The following ITGB8 variants were observed in gnomAD, a reference collection of about 807,000 sequenced individuals.
The protein encoded by ITGB8 is integrin beta-8.
A neutral mutation model predicts 89.5 loss-of-function variants in ITGB8; 30 were observed. The observed-to-expected ratio is 0.34, with a 90% confidence interval of 0.25 to 0.45. The LOEUF (loss-of-function observed/expected upper bound fraction) is 0.45. Among genes scored for constraint, ITGB8 ranks in the 20% least tolerant of loss-of-function variants. The probability of loss-of-function intolerance (pLI) is 1.00; values close to 1 mark genes in which losing one functional copy is unlikely to be tolerated. For missense variants in ITGB8, 836 were observed against 933.3 expected (o/e 0.90, Z 1.36); for synonymous variants, 335 against 320.4 (o/e 1.05, Z -0.49).
At chr7:20,330,327 G>A (rs987140916), upstream of ITGB8, among the ~76,000 whole-genome samples, 2 of 152,204 alleles carry the variant, frequency 1.3e-5, no homozygotes, top group Admixed American at 1.3e-4. Flanking sequence ...TGGGGGCAGG[G>A]GAGGTCCCTT....
chr7:20,337,579 AG>A (rs1171371417), intron 1 of ITGB8, among the ~76,000 whole-genome samples: 1 of 152,248 alleles, frequency 6.6e-6, no homozygotes, highest in Non-Finnish European at 1.5e-5. Flanking sequence ...CCCATTGTAT[AG>A]GTAAGCAAAC....
chr7:20,334,991 T>C (rs1487064197), intron 1 of ITGB8, among the ~76,000 whole-genome samples: 2 of 152,194 alleles, frequency 1.3e-5, no homozygotes, highest in African/African-American at 4.8e-5. Context: ...TTAGAGAGAA[T>C]GGTATAAGGG....
chr7:20,409,796 A>G lies in ITGB8; in HGVS notation c.2187+18A>G. ...CAAAAAAGGTCAGTGAATTCTAAAAAAGAACTGCTAACAGTATGTTATTGC... is the reference window on the plus strand; with the variant it reads ...CAAAAAAGGTCAGTGAATTCTAAAAGAGAACTGCTAACAGTATGTTATTGC... On this transcript the variant is annotated intron_variant, in intron 13 of 13. Transcript: ENST00000222573. The G allele has an allele frequency of 6.2e-7, 1 of 1,612,152 alleles. No homozygotes were observed. The highest frequency in any genetic ancestry group is 1.7e-5 in the Admixed American group (1 of 59,930).
chr7:20,348,650 A>T (rs77639418), intron 1 of ITGB8, among the ~76,000 whole-genome samples: 3,559 of 152,308 alleles, frequency 0.023, 59 homozygotes, highest in Non-Finnish European at 0.036. Flanking sequence ...TGGGTAAGGC[A>T]GAATAACCTT....
intron 2 of ITGB8, chr7:20,365,610 A>C (rs1181414115): frequency 6.6e-6 from 1 of 152,204 alleles, no homozygotes; most frequent in Non-Finnish European, 1.5e-5. Context: ...TATATATAGA[A>C]CTTTGACAAG....
At chr7:20,350,430 G>A (rs893356140) in intron 1 of ITGB8, among the ~76,000 whole-genome samples, 10 of 152,306 alleles carry the variant, frequency 6.6e-5, no homozygotes, top group South Asian at 2.1e-4. Context: ...TTACAGGCAT[G>A]AGCCACTGTG....
At chr7:20,355,635 T>C (rs1176340682) in intron 1 of ITGB8, among the ~76,000 whole-genome samples, 1 of 152,186 alleles carries the variant, frequency 6.6e-6, no homozygotes, top group Non-Finnish European at 1.5e-5. Flanking sequence ...GGCAAAATTA[T>C]TTAGAGAAAA....
At chr7:20,388,498 GTTTA>G (rs1394053561) in intron 6 of ITGB8, among the ~76,000 whole-genome samples, 1 of 152,018 alleles carries the variant, frequency 6.6e-6, no homozygotes, top group Non-Finnish European at 1.5e-5. Context: ...GTCAACAGTG[GTTTA>G]TTTAAACATC....
At chr7:20,382,013 A>G (rs1034892571) in intron 6 of ITGB8, 128 bp downstream of exon 6, 1 of 736,230 alleles carries the variant, frequency 1.4e-6, no homozygotes, top group South Asian at 1.9e-5. Flanking sequence ...AGGATAAGCC[A>G]TGAGAGAGAA....
intron 10 of ITGB8, among the ~76,000 whole-genome samples, chr7:20,404,358 G>A (rs1317332322): frequency 6.6e-6 from 1 of 152,250 alleles, no homozygotes; most frequent in Non-Finnish European, 1.5e-5. Flanking sequence ...TGACATTCAA[G>A]TAGTCTGGCA....
intron 3 of ITGB8, among the ~76,000 whole-genome samples, chr7:20,369,037 G>A (rs1349004329): frequency 6.6e-6 from 1 of 152,108 alleles, no homozygotes; most frequent in Non-Finnish European, 1.5e-5. Context: ...ACTCAAATGA[G>A]TCTGAAAATA....
intron 6 of ITGB8, among the ~76,000 whole-genome samples, chr7:20,389,842 T>TC (rs1427942119): frequency 2.0e-5 from 3 of 151,638 alleles, no homozygotes; most frequent in Non-Finnish European, 4.4e-5. Context: ...TTTGGAGTTT[T>TC]TTTTTTTCCA....
At position 20,411,380 on chromosome 7, in the gene ITGB8, C is replaced by G. The variant is rs1347746222; in HGVS notation, c.*1383C>G. On this transcript the variant is annotated 3_prime_UTR_variant, in exon 14 of 14. Transcript: ENST00000222573. Reference sequence around the variant, plus strand: ...ATGTTGGACAGGTTGATCTCAAACTCCTGACCTCAGGTGATCTACCCTCCT... The same window carrying G: ...ATGTTGGACAGGTTGATCTCAAACTGCTGACCTCAGGTGATCTACCCTCCT... 6.6e-6 allele frequency: 1 copy of G among 152,218 alleles called. No homozygotes were observed. The highest frequency in any genetic ancestry group is 1.5e-5 in the Non-Finnish European group (1 of 68,128). 9.4% of individuals were successfully genotyped at this position (152,218 alleles called of 1,614,324 possible).
chr7:20,364,155 A>G (rs186249956), intron 2 of ITGB8, among the ~76,000 whole-genome samples: 7 of 152,320 alleles, frequency 4.6e-5, no homozygotes, highest in African/African-American at 1.4e-4. Flanking sequence ...AACAATTACA[A>G]TGCATTCCAT....
chr7:20,341,949 T>C (rs1784772035), intron 1 of ITGB8, among the ~76,000 whole-genome samples: 1 of 152,010 alleles, frequency 6.6e-6, no homozygotes, highest in Admixed American at 6.6e-5. Flanking sequence ...GTAGAAAAGT[T>C]GGGTCAGCCA....
chr7:20,394,771 T>G, intron 7 of ITGB8, 125 bp from the exon 8 acceptor site: 2 of 677,812 alleles, frequency 3.0e-6, no homozygotes, highest in Non-Finnish European at 5.1e-6. Flanking sequence ...TCTTGTGTCT[T>G]ATAGGTTTTC....
chr7:20,377,497 G>C (rs1315893684), intron 3 of ITGB8: 3 of 152,128 alleles, frequency 2.0e-5, no homozygotes, highest in Non-Finnish European at 4.4e-5. Flanking sequence ...ACTTCTCATC[G>C]ATCTGGCCCA....
At position 20,411,619 on chromosome 7, in the gene ITGB8, T is replaced by C. The variant is rs1176576367; in HGVS notation, c.*1622T>C. On this transcript the variant is annotated 3_prime_UTR_variant, in exon 14 of 14. Transcript: ENST00000222573. Reference sequence around the variant, plus strand: ...AATATCATGCTACCTCTTGAATCTTTAAAATATTCAATTGGCAAATGTTTT... The same window carrying C: ...AATATCATGCTACCTCTTGAATCTTCAAAATATTCAATTGGCAAATGTTTT... The C allele has an allele frequency of 6.5e-6, 1 of 152,684 alleles. No homozygotes were observed. Among genetic ancestry groups the C allele is most frequent in the Non-Finnish European group, 1.5e-5 (1 of 68,046 alleles). 9.5% of individuals were successfully genotyped at this position (152,684 alleles called of 1,614,324 possible).
chr7:20,346,193 G>A (rs1007179669), intron 1 of ITGB8, among the ~76,000 whole-genome samples: 2 of 152,172 alleles, frequency 1.3e-5, no homozygotes, highest in African/African-American at 2.4e-5. Context: ...GATTCTGGGA[G>A]AAACATCAGC....
Sources: allele counts gnomAD v4.1 joint callset (sites outside exome capture counted in the v4.1 genomes callset), GRCh38; gene constraint gnomAD v4.1.1; transcripts MANE v1.5; gene names NCBI Gene and HGNC (gene_info 2026-07-23, HGNC 2026-07-21).